ANK3: variants seen among roughly 807,000 people sequenced by gnomAD.
ANK3 encodes the protein ankyrin 3, also known as ankyrin-3.
In ANK3, 57 loss-of-function variants were observed where a neutral mutation model predicts 370.9. The ratio of observed to expected loss-of-function variants is 0.15; its 90% CI spans 0.12 to 0.19. ANK3 has a LOEUF of 0.19. Ranked by LOEUF, ANK3 falls within the 10% of genes least tolerant of loss-of-function variation. The pLI, the probability that ANK3 is intolerant of heterozygous loss-of-function variation, is 1.00. For missense variants in ANK3, 4,439 were observed against 5,302.1 expected, an observed-to-expected ratio of 0.84 and a Z score of 5.06; for synonymous variants, 1,929 against 1,946.3, an observed-to-expected ratio of 0.99 and a Z score of 0.23.
At chr10:60,437,051 C>G (rs754796523) in intron 2 of ANK3, among the ~76,000 whole-genome samples, 2 of 152,208 alleles carry the variant, frequency 1.3e-5, no homozygotes, top group Non-Finnish European at 2.9e-5. Context: ...CCACCTGGAA[C>G]ACTGCTCCTC....
intron 7 of ANK3, among the ~76,000 whole-genome samples, chr10:60,257,407 G>A (rs2097755328): frequency 6.6e-6 from 1 of 152,106 alleles, no homozygotes; most frequent in South Asian, 2.1e-4. Flanking sequence ...CAGCTTCTCT[G>A]GGCAAGGTGC....
At chr10:60,352,624 C>T (rs1026475287) in intron 1 of ANK3, among the ~76,000 whole-genome samples, 9 of 152,130 alleles carry the variant, frequency 5.9e-5, no homozygotes, top group African/African-American at 1.2e-4. Flanking sequence ...CTATGATGTT[C>T]TTCAGAATAA....
intron 5 of ANK3, among the ~76,000 whole-genome samples, chr10:60,267,781 C>T (rs1027135625): frequency 6.6e-6 from 1 of 152,148 alleles, no homozygotes; most frequent in South Asian, 2.1e-4. Context: ...AAGAGTCCTA[C>T]GCCATCTTCA....
intron 1 of ANK3, among the ~76,000 whole-genome samples, chr10:60,701,342 G>A (rs2079543526): frequency 6.6e-6 from 1 of 151,914 alleles, no homozygotes; most frequent in African/African-American, 2.4e-5. Context: ...ATTTGAAGGA[G>A]TGAAATACTC....
rs1293811961 is a variant in ANK3 at position 60,074,425 on chromosome 10, A to C, written c.6456T>G (p.Leu2152=). The change falls in exon 37 of 44, where the codon CTT becomes CTG. Residue 2152 remains leucine, a synonymous_variant. Coordinates refer to ENST00000280772, the MANE Select transcript of ANK3 (RefSeq NM_020987.5). ...CAGGAGGGATGGGAACTTCATGAAA[A>C]AGTGGTTTAGGACCAGTGCTTTCAG... ...QSAESTGPKP[L]FHEVPIPPVI... The C allele has an allele frequency of 6.2e-6, 10 of 1,614,044 alleles. No homozygotes were observed. Among genetic ancestry groups the C allele is most frequent in the Non-Finnish European group, 8.5e-6 (10 of 1,179,976 alleles).
At chr10:60,355,133 G>T (rs1017755246) in intron 1 of ANK3, among the ~76,000 whole-genome samples, 1 of 152,058 alleles carries the variant, frequency 6.6e-6, no homozygotes, top group Non-Finnish European at 1.5e-5. Flanking sequence ...TTAATCCCGG[G>T]TATTGAGGCT....
chr10:60,678,378 A>C (rs1589014699), intron 1 of ANK3, among the ~76,000 whole-genome samples: 1 of 152,188 alleles, frequency 6.6e-6, no homozygotes, highest in South Asian at 2.1e-4. Context: ...AGGTTTCAAA[A>C]CATTGGGTCA....
chr10:60,420,373 T>G (rs1190958979), intron 2 of ANK3, among the ~76,000 whole-genome samples: 1 of 152,100 alleles, frequency 6.6e-6, no homozygotes, highest in Non-Finnish European at 1.5e-5. Context: ...AGAAAGCATC[T>G]TCTCTCAGAA....
At chr10:60,613,745 T>C (rs1208015947) in intron 2 of ANK3, among the ~76,000 whole-genome samples, 1 of 139,056 alleles carries the variant, frequency 7.2e-6, no homozygotes, top group African/African-American at 2.7e-5. Flanking sequence ...CTCAGTCCTT[T>C]CACTGAACAA....
chr10:60,289,762 T>C (rs550197670), intron 1 of ANK3, among the ~76,000 whole-genome samples: 1 of 152,196 alleles, frequency 6.6e-6, no homozygotes, highest in East Asian at 1.9e-4. Context: ...GAAGTAATTT[T>C]TGGTGAACAA....
intron 9 of ANK3, among the ~76,000 whole-genome samples, chr10:60,211,465 C>T (rs1591795810): frequency 2.0e-5 from 3 of 152,230 alleles, no homozygotes; most frequent in South Asian, 4.2e-4. Flanking sequence ...AGCTACTTTA[C>T]CTCTTTGGGT....
At chr10:60,326,498 C>G (rs2049905024) in intron 1 of ANK3, among the ~76,000 whole-genome samples, 1 of 151,876 alleles carries the variant, frequency 6.6e-6, no homozygotes, top group Non-Finnish European at 1.5e-5. Flanking sequence ...TTTTTTCATA[C>G]CACGTCTAAA....
At chr10:60,141,581 T>TG (rs2132218573) in intron 23 of ANK3, among the ~76,000 whole-genome samples, 1 of 148,062 alleles carries the variant, frequency 6.8e-6, no homozygotes, top group South Asian at 2.2e-4. Context: ...TTTTTTTTTT[T>TG]TTTTTGCTTC....
At chr10:60,320,619 A>G (rs747115605) in intron 1 of ANK3, among the ~76,000 whole-genome samples, 5 of 152,076 alleles carry the variant, frequency 3.3e-5, no homozygotes, top group African/African-American at 4.8e-5. Context: ...AAACAAAGCA[A>G]TATGTTTGAA....
chr10:60,471,332 AC>A (rs1337277263), intron 2 of ANK3, among the ~76,000 whole-genome samples: 1 of 152,134 alleles, frequency 6.6e-6, no homozygotes, highest in Admixed American at 6.6e-5. Context: ...TGTGTGTATT[AC>A]CTTTTTGTTA....
chr10:60,129,087 A>C (rs1194863127), intron 25 of ANK3, among the ~76,000 whole-genome samples: 2 of 152,352 alleles, frequency 1.3e-5, no homozygotes, highest in Non-Finnish European at 1.5e-5. Context: ...TTCCAAGCAC[A>C]GGTGTTGCTC....
At chr10:60,332,030 A>G (rs2051470631) in intron 1 of ANK3, among the ~76,000 whole-genome samples, 1 of 152,104 alleles carries the variant, frequency 6.6e-6, no homozygotes, top group Admixed American at 6.6e-5. Flanking sequence ...ACATCAGGAA[A>G]TTTATCCATA....
At chr10:60,634,830 G>A (rs2078531846) in intron 1 of ANK3, among the ~76,000 whole-genome samples, 1 of 151,446 alleles carries the variant, frequency 6.6e-6, no homozygotes, top group Admixed American at 6.6e-5. Flanking sequence ...CCACCTTTAT[G>A]AGCTGTTAAC....
In ANK3 at chr10:60,196,631, A is replaced by G. The variant is rs2096589835; in HGVS notation, c.1690-6T>C. ...TGAAGAGGAGTAAATCCTTTCTGAAAAAAAAAAAACATAAAAATAATGAAC... is the reference window on the plus strand; with the variant it reads ...TGAAGAGGAGTAAATCCTTTCTGAAGAAAAAAAAACATAAAAATAATGAAC... On this transcript the variant is annotated splice_region_variant and splice_polypyrimidine_tract_variant and intron_variant, in intron 14 of 43. Transcript: ENST00000280772. The G allele has an allele frequency of 5.1e-6, 8 of 1,559,634 alleles. No individual in the cohort carries two copies. Among genetic ancestry groups the G allele is most frequent in the Non-Finnish European group, 4.4e-6 (5 of 1,145,452 alleles).
Sources: gnomAD v4.1 joint callset for allele counts (sites outside exome capture counted in the v4.1 genomes callset) on GRCh38, gnomAD v4.1.1 for gene constraint, MANE v1.5 for transcripts, NCBI Gene and HGNC (gene_info 2026-07-23, HGNC 2026-07-21) for gene names.